RGS7BP: variants seen among roughly 807,000 people sequenced by gnomAD.
RGS7BP encodes the protein regulator of G protein signaling 7 binding protein.
In RGS7BP, 9 loss-of-function variants were observed where a neutral mutation model predicts 31.3. That is an observed-to-expected ratio of 0.29 (90% CI 0.17 to 0.50). RGS7BP has a LOEUF of 0.50. RGS7BP is among the 20% of genes least tolerant of loss of function. The pLI is 0.98. For missense variants in RGS7BP, 274 were observed against 322.0 expected (o/e 0.85, Z 1.14); for synonymous variants, 115 against 120.1 (o/e 0.96, Z 0.28).
chr5:64,551,988 G>GAT (rs1213227786), intron 2 of RGS7BP, among the ~76,000 whole-genome samples: 1 of 152,104 alleles, frequency 6.6e-6, no homozygotes, highest in Non-Finnish European at 1.5e-5. Flanking sequence ...CTGCATGTTT[G>GAT]ATACCTTATA....
At chr5:64,522,795 A>G (rs1749140388) in intron 2 of RGS7BP, among the ~76,000 whole-genome samples, 1 of 151,814 alleles carries the variant, frequency 6.6e-6, no homozygotes, top group Admixed American at 6.6e-5. Flanking sequence ...GCACAGCGCC[A>G]TTGTAGATCT....
At chr5:64,570,075 CA>C (rs1450525653) in intron 2 of RGS7BP, among the ~76,000 whole-genome samples, 1 of 152,126 alleles carries the variant, frequency 6.6e-6, no homozygotes, top group African/African-American at 2.4e-5. Flanking sequence ...AATGAGGTCA[CA>C]CTTTTTTTTC....
In RGS7BP at chr5:64,575,803, T is replaced by G; in HGVS notation, c.362T>G (p.Ile121Ser). 1 of 1,612,498 alleles carries G rather than the reference T, an allele frequency of 6.2e-7. No individual in the cohort carries two copies. The highest frequency in any genetic ancestry group is 8.5e-7 in the Non-Finnish European group (1 of 1,179,314). The change falls in exon 3 of 6, where the codon ATC (isoleucine) becomes AGC (serine). Residue 121 changes from isoleucine (I) to serine (S), a missense_variant. Around this residue, in one of 3 missense-constraint regions of RGS7BP, gnomAD observed 13 missense variants for 38.5 expected, o/e 0.34. Coordinates refer to ENST00000334025, the MANE Select transcript of RGS7BP (RefSeq NM_001029875.3). ...GAAGATGGTGAGATCCATCCAGAAA[T>G]CTGTCGGCTTTACATCCAGCTGCAG... ...GPEDGEIHPE[I>S]CRLYIQLQCC... is the part of the protein sequence containing the mutation.
At chr5:64,558,238 T>C (rs962869679) in intron 2 of RGS7BP, among the ~76,000 whole-genome samples, 13 of 152,140 alleles carry the variant, frequency 8.5e-5, no homozygotes, top group African/African-American at 3.1e-4. Flanking sequence ...ACGTGTTGTC[T>C]TGGAATGTGG....
At chr5:64,524,649 C>A (rs769740619) in intron 2 of RGS7BP, among the ~76,000 whole-genome samples, 1 of 152,206 alleles carries the variant, frequency 6.6e-6, no homozygotes, top group Non-Finnish European at 1.5e-5. Context: ...ATCCCTAACT[C>A]CTAAACTTTC....
At chr5:64,578,558 CA>C (rs1335253264) in intron 3 of RGS7BP, among the ~76,000 whole-genome samples, 1 of 151,916 alleles carries the variant, frequency 6.6e-6, no homozygotes, top group African/African-American at 2.4e-5. Flanking sequence ...CCTTTGAGAC[CA>C]AAAAAATGTA....
At chr5:64,597,708 T>C (rs1202755856) in intron 4 of RGS7BP, among the ~76,000 whole-genome samples, 4 of 151,240 alleles carry the variant, frequency 2.6e-5, no homozygotes, top group Admixed American at 6.6e-5. Flanking sequence ...TGGGTACACA[T>C]GGACATGGGG....
At chr5:64,600,724 G>T (rs535165947) in intron 5 of RGS7BP, among the ~76,000 whole-genome samples, 3 of 152,336 alleles carry the variant, frequency 2.0e-5, no homozygotes, top group Admixed American at 2.0e-4. Context: ...GGATTGTGAG[G>T]AATTTGAGTT....
rs144148742 is a variant in RGS7BP, at chr5:64,573,065, G to A, written c.333-2709G>A. Among the ~76,000 whole-genome samples, 382 of 144,372 alleles carry A rather than the reference G, an allele frequency of 2.6e-3. 1 individual carries two copies. Among genetic ancestry groups the A allele is most frequent in the African/African-American group, 9.2e-3 (356 of 38,788 alleles). The allele number at this position is 144,372 out of a possible 152,430, so 94.7% of individuals were successfully genotyped here. A position where few individuals can be genotyped will look rare whatever the true frequency, so the allele number is the denominator to read the frequency against. On this transcript the variant is annotated intron_variant, in intron 2 of 5. Coordinates refer to ENST00000334025, the MANE Select transcript of RGS7BP (RefSeq NM_001029875.3). Reference sequence around the variant, plus strand: ...TTCCCACCTATGAGTGAGAACATACGGTGTTTGGTTTTTTGTTCTTGTGAT... The same window carrying A: ...TTCCCACCTATGAGTGAGAACATACAGTGTTTGGTTTTTTGTTCTTGTGAT...
intron 3 of RGS7BP, among the ~76,000 whole-genome samples, chr5:64,592,558 G>T (rs1279584755): frequency 6.6e-6 from 1 of 152,094 alleles, no homozygotes; most frequent in Admixed American, 6.6e-5. Flanking sequence ...GTGATATGGA[G>T]GAGGTGGAGA....
chr5:64,546,665 G>A (rs986452691), intron 2 of RGS7BP, among the ~76,000 whole-genome samples: 4 of 112,618 alleles, frequency 3.6e-5, no homozygotes, highest in African/African-American at 1.5e-4. Flanking sequence ...ACTGAGAAGG[G>A]ACACAGATTA....
At position 64,571,046 on chromosome 5, in the gene RGS7BP, A is replaced by G. The variant is rs529081106; in HGVS notation, c.333-4728A>G. Among the ~76,000 whole-genome samples, 78 of 152,186 alleles carry G rather than the reference A, an allele frequency of 5.1e-4. 1 individual carries two copies. The highest frequency in any genetic ancestry group is 3.4e-3 in the Middle Eastern group (1 of 294). On this transcript the variant is annotated intron_variant, in intron 2 of 5. Coordinates refer to ENST00000334025, the MANE Select transcript of RGS7BP (RefSeq NM_001029875.3). ...CACCCGTGTAACTAAACCTCCATCTAGATATAGAATATCACCCTCACCCCA... is the reference window on the plus strand; with the variant it reads ...CACCCGTGTAACTAAACCTCCATCTGGATATAGAATATCACCCTCACCCCA...
At chr5:64,519,013 A>G (rs1336302677) in intron 2 of RGS7BP, among the ~76,000 whole-genome samples, 1 of 152,182 alleles carries the variant, frequency 6.6e-6, no homozygotes, top group African/African-American at 2.4e-5. Flanking sequence ...CCTGACTGCA[A>G]GTTTCATGAT....
intron 2 of RGS7BP, among the ~76,000 whole-genome samples, chr5:64,570,976 T>C (rs926309034): frequency 2.6e-5 from 4 of 152,128 alleles, no homozygotes; most frequent in African/African-American, 9.7e-5. Flanking sequence ...TGTAATCAAA[T>C]GCAAATCTTA....
At chr5:64,547,725 C>A (rs1012299773) in intron 2 of RGS7BP, among the ~76,000 whole-genome samples, 1 of 152,068 alleles carries the variant, frequency 6.6e-6, no homozygotes, top group African/African-American at 2.4e-5. Flanking sequence ...TAGAAAGAAG[C>A]AAATAGCTTC....
At chr5:64,567,708 C>T (rs1345638781) in intron 2 of RGS7BP, among the ~76,000 whole-genome samples, 2 of 151,240 alleles carry the variant, frequency 1.3e-5, no homozygotes, top group African/African-American at 2.4e-5. Context: ...AAGAGAAATA[C>T]AGCATCACTA....
At chr5:64,527,818 T>C (rs184842283) in intron 2 of RGS7BP, among the ~76,000 whole-genome samples, 29 of 152,272 alleles carry the variant, frequency 1.9e-4, no homozygotes, top group Non-Finnish European at 3.1e-4. Flanking sequence ...GATATGTATA[T>C]AGTTGCAAGG....
chr5:64,508,382 G>C (rs527371485), intron 2 of RGS7BP, among the ~76,000 whole-genome samples: 9 of 152,232 alleles, frequency 5.9e-5, no homozygotes, highest in Non-Finnish European at 1.0e-4. Flanking sequence ...TCTTCACTGT[G>C]GTGATAGGAA....
chr5:64,546,679 A>T (rs199682920), intron 2 of RGS7BP, among the ~76,000 whole-genome samples: 1 of 151,356 alleles, frequency 6.6e-6, no homozygotes, highest in Non-Finnish European at 1.5e-5. Context: ...CAGATTAAGA[A>T]TTTTTTTTTA....
Sources: gnomAD v4.1 joint callset for allele counts (sites outside exome capture counted in the v4.1 genomes callset) on GRCh38, gnomAD v4.1.1 for gene constraint, gnomAD v4.1.1 regional missense constraint, MANE v1.5 for transcripts, NCBI Gene and HGNC (gene_info 2026-07-23, HGNC 2026-07-21) for gene names.